KCNH7: variants seen among roughly 807,000 people sequenced by gnomAD.
The protein encoded by KCNH7 is potassium voltage-gated channel subfamily H member 7.
A neutral mutation model predicts 120.8 loss-of-function variants in KCNH7; 49 were observed. The ratio of observed to expected loss-of-function variants is 0.41; its 90% CI spans 0.32 to 0.51. KCNH7 has a LOEUF of 0.51. Ranked by LOEUF, KCNH7 falls within the 20% of genes least tolerant of loss-of-function variation. The pLI, the probability that KCNH7 is intolerant of heterozygous loss-of-function variation, is 0.38. For missense variants in KCNH7, 1,097 were observed against 1,446.6 expected (o/e 0.76, Z 3.92); for synonymous variants, 547 against 516.1 (o/e 1.06, Z -0.81).
intron 2 of KCNH7, among the ~76,000 whole-genome samples, chr2:162,802,687 T>C (rs1042345777): frequency 1.3e-5 from 2 of 151,750 alleles, no homozygotes; most frequent in South Asian, 2.1e-4. Context: ...AAGAATAACA[T>C]TGCAACATGT....
chr2:162,694,477 A>AGTGTGTGTGTGTGTGTGT (rs71009366), intron 2 of KCNH7, among the ~76,000 whole-genome samples: 38 of 146,396 alleles, frequency 2.6e-4, no homozygotes, highest in African/African-American at 9.2e-4. Flanking sequence ...TGTGTGAAAG[A>AGTGTGTGTGTGTGTGTGT]GTGTGTGTGT....
chr2:162,488,836 A>G (rs539654723), intron 6 of KCNH7, among the ~76,000 whole-genome samples: 4 of 152,178 alleles, frequency 2.6e-5, no homozygotes, highest in Non-Finnish European at 5.9e-5. Flanking sequence ...GGGCTCCGAC[A>G]CCTTGCCCGG....
intron 2 of KCNH7, among the ~76,000 whole-genome samples, chr2:162,700,099 G>A (rs138847120): frequency 2.0e-5 from 3 of 152,192 alleles, no homozygotes; most frequent in African/African-American, 7.2e-5. Flanking sequence ...AAATCTTCGT[G>A]TATTTCCTTT....
intron 2 of KCNH7, among the ~76,000 whole-genome samples, chr2:162,669,727 T>C (rs1685272229): frequency 6.6e-6 from 1 of 152,172 alleles, no homozygotes; most frequent in African/African-American, 2.4e-5. Context: ...ACATCCTGTA[T>C]TGCATAGGAC....
In KCNH7 at chr2:162,373,588, G is replaced by T; in HGVS notation, c.3206C>A (p.Pro1069Gln). The T allele has an allele frequency of 6.3e-7, 1 of 1,580,386 alleles. No individual in the cohort carries two copies. The highest frequency in any genetic ancestry group is 8.6e-7 in the Non-Finnish European group (1 of 1,162,674). Reference protein sequence around the residue: ...LLQKQTTVVPPAYSMVTAGSE... With the variant: ...LLQKQTTVVPQAYSMVTAGSE... Reference sequence around the variant, plus strand: ...TCCTGCTGTTACCATACTGTAGGCTGGGGGGACCACAGTGGTTTGTTTCTG... The same window carrying T: ...TCCTGCTGTTACCATACTGTAGGCTTGGGGGACCACAGTGGTTTGTTTCTG... Residue 1069 changes from proline to glutamine, a missense_variant, in exon 15 of 16, where the codon CCA becomes CAA. Coordinates refer to ENST00000332142, the MANE Select transcript of KCNH7 (RefSeq NM_033272.4).
intron 2 of KCNH7, among the ~76,000 whole-genome samples, chr2:162,577,291 G>GTCTATCTATCTATCTATCTATCTA (rs201620270): frequency 1.5e-4 from 19 of 127,438 alleles, no homozygotes; most frequent in African/African-American, 3.8e-4. Context: ...AGATCTATCT[G>GTCTATCTATCTATCTATCTATCTA]TCTATCTATC....
chr2:162,445,272 C>T (rs1418357559), intron 7 of KCNH7, among the ~76,000 whole-genome samples: 1 of 152,000 alleles, frequency 6.6e-6, no homozygotes, highest in East Asian at 1.9e-4. Flanking sequence ...TTTTAAAAAT[C>T]CAACATATCG....
At chr2:162,440,491 C>T (rs184454378) in intron 7 of KCNH7, among the ~76,000 whole-genome samples, 96 of 152,076 alleles carry the variant, frequency 6.3e-4, no homozygotes, top group South Asian at 4.1e-4. Flanking sequence ...AATTATTTAT[C>T]CAATAAAGCT....
rs143341337 is a variant in KCNH7, at chr2:162,698,596, T to A, written c.307+137941A>T. ...TGTGTTTGAGCAAAACTCAAAGAAT[T>A]GGATATTAGAAAGAGCACCGCTTCA... On this transcript the variant is annotated intron_variant, in intron 2 of 15. Coordinates refer to ENST00000332142, the MANE Select transcript of KCNH7 (RefSeq NM_033272.4). 9.3e-3 allele frequency among the ~76,000 whole-genome samples: 1,416 copies of A among 152,208 alleles called. 16 individuals carry two copies. Among genetic ancestry groups the A allele is most frequent in the Non-Finnish European group, 0.014 (932 of 67,966 alleles).
chr2:162,470,304 C>T (rs970126368), intron 6 of KCNH7, among the ~76,000 whole-genome samples: 6 of 150,718 alleles, frequency 4.0e-5, no homozygotes, highest in Non-Finnish European at 5.9e-5. Flanking sequence ...ATGTGGGGAG[C>T]GCCTCTGCCC....
chr2:162,565,562 T>C (rs951800628), intron 2 of KCNH7, among the ~76,000 whole-genome samples: 1 of 152,010 alleles, frequency 6.6e-6, no homozygotes, highest in African/African-American at 2.4e-5. Context: ...GTATGAAAGA[T>C]CTCAAAATGT....
intron 10 of KCNH7, among the ~76,000 whole-genome samples, chr2:162,399,827 A>G (rs1015802035): frequency 4.0e-5 from 6 of 151,874 alleles, no homozygotes; most frequent in Non-Finnish European, 5.9e-5. Flanking sequence ...TATTTCCTAC[A>G]ACACATATAT....
intron 2 of KCNH7, among the ~76,000 whole-genome samples, chr2:162,710,705 AGGGAACATTGGCCAGAGCT>A: frequency 6.6e-6 from 1 of 152,316 alleles, no homozygotes; most frequent in East Asian, 1.9e-4. Context: ...CAAGGATTCC[AGGGAACATTGGCCAGAGCT>A]GCCTGCTAGC....
intron 2 of KCNH7, among the ~76,000 whole-genome samples, chr2:162,641,567 G>A (rs571580659): frequency 2.1e-4 from 32 of 150,762 alleles, no homozygotes; most frequent in Admixed American, 4.6e-4. Flanking sequence ...AAAAAAAAAA[G>A]ATTGCATAGT....
chr2:162,744,646 T>C (rs1456099401), intron 2 of KCNH7, among the ~76,000 whole-genome samples: 1 of 151,040 alleles, frequency 6.6e-6, no homozygotes, highest in Non-Finnish European at 1.5e-5. Context: ...GATCTCCGCT[T>C]ACTGCAAGCT....
chr2:162,548,965 A>G (rs1037518737), intron 2 of KCNH7, among the ~76,000 whole-genome samples: 4 of 152,168 alleles, frequency 2.6e-5, no homozygotes, highest in Non-Finnish European at 4.4e-5. Context: ...ATAGGGCCCA[A>G]TATTGATTAA....
Position 162,518,014 on chromosome 2 carries a change from G to T in KCNH7, c.608C>A (p.Pro203His). ...DSVAMKHFKS[P>H]TKESCSPSEA... ...AGAGGGGCTGCAGCTTTCTTTTGTA[G>T]GAGACTTAAAATGCTTCATGGCTAC... Residue 203 changes from proline (P) to histidine (H), a missense_variant, in exon 4 of 16, where the codon CCT (proline) becomes CAT (histidine). By Grantham distance (77) the Pro-to-His change is moderately conservative (BLOSUM62 -2). Coordinates refer to ENST00000332142, the MANE Select transcript of KCNH7 (RefSeq NM_033272.4). 1 of 1,612,394 alleles carries T rather than the reference G, an allele frequency of 6.2e-7. No homozygotes were observed. Among genetic ancestry groups the T allele is most frequent in the Non-Finnish European group, 8.5e-7 (1 of 1,178,884 alleles).
At chr2:162,413,029 G>C (rs556210802) in intron 9 of KCNH7, among the ~76,000 whole-genome samples, 1 of 152,052 alleles carries the variant, frequency 6.6e-6, no homozygotes, top group Non-Finnish European at 1.5e-5. Flanking sequence ...AAGAATAAAG[G>C]TTCTTAAATA....
chr2:162,752,897 T>A (rs1232121378), intron 2 of KCNH7, among the ~76,000 whole-genome samples: 1 of 8,014 alleles, frequency 1.2e-4, no homozygotes, highest in East Asian at 1.5e-3. Flanking sequence ...CAAGACTACA[T>A]CTCAGAAAAA....
Sources: gnomAD v4.1 joint callset for allele counts (sites outside exome capture counted in the v4.1 genomes callset) on GRCh38, gnomAD v4.1.1 for gene constraint, MANE v1.5 for transcripts, NCBI Gene and HGNC (gene_info 2026-07-23, HGNC 2026-07-21) for gene names.